Variants in CCDC171 observed in about 807,000 individuals in gnomAD.
CCDC171 encodes coiled-coil domain-containing protein 171.
Under a neutral mutation model 168.2 loss-of-function variants are expected in CCDC171, and 177 were observed. The ratio of observed to expected loss-of-function variants is 1.05; its 90% CI spans 0.93 to 1.19. CCDC171 has a LOEUF of 1.19. Among genes scored for constraint, CCDC171 ranks in the 50% most tolerant of loss-of-function variants. CCDC171 has a pLI of 0.00. For missense variants in CCDC171, 1,991 were observed against 1,539.0 expected (o/e 1.29, Z -4.91); for synonymous variants, 687 against 540.8 (o/e 1.27, Z -3.75).
At chr9:16,035,234 A>G (rs192944235) in intron 6 of CCDC171, among the ~76,000 whole-genome samples, 3 of 152,344 alleles carry the variant, frequency 2.0e-5, no homozygotes, top group Admixed American at 6.5e-5. Context: ...ACATACTAAG[A>G]AAGAATCCAC....
intron 6 of CCDC171, among the ~76,000 whole-genome samples, chr9:15,619,364 C>G (rs567079794): frequency 6.2e-4 from 95 of 152,278 alleles, no homozygotes; most frequent in African/African-American, 2.2e-3. Context: ...ATTAAAAGTG[C>G]TACTTTAGTG....
intron 21 of CCDC171, among the ~76,000 whole-genome samples, chr9:15,792,773 T>C (rs2058334170): frequency 6.6e-6 from 1 of 152,106 alleles, no homozygotes; most frequent in South Asian, 2.1e-4. Context: ...AAGCAAATGC[T>C]GACAGATTTT....
At position 15,856,545 on chromosome 9, in the gene CCDC171, T is replaced by A. The variant is rs186113898; in HGVS notation, c.3468+7598T>A. 2.7e-3 allele frequency among the ~76,000 whole-genome samples: 404 copies of A among 152,160 alleles called. 5 individuals carry two copies. The highest frequency in any genetic ancestry group is 9.1e-3 in the African/African-American group (377 of 41,526). On this transcript the variant is annotated intron_variant, in intron 23 of 25. Coordinates refer to ENST00000380701, the MANE Select transcript of CCDC171 (RefSeq NM_173550.4). ...TAAAAGGCTGATTATTTCCTTCCTT[T>A]GAAAACCTGAGTAATATTTTATTGT...
At chr9:15,688,507 A>G (rs758824911) in intron 10 of CCDC171, among the ~76,000 whole-genome samples, 1 of 152,206 alleles carries the variant, frequency 6.6e-6, no homozygotes, top group Non-Finnish European at 1.5e-5. Context: ...AAGATATAAA[A>G]AAGATATTAC....
the CCDC171 span, among the ~76,000 whole-genome samples, chr9:16,087,109 T>TTCC: frequency 1.3e-5 from 2 of 152,230 alleles, no homozygotes; most frequent in Non-Finnish European, 2.9e-5. Context: ...TTGTTACAAT[T>TTCC]TCCATTCTTT....
chr9:15,881,587 A>G (rs956559533), intron 24 of CCDC171, among the ~76,000 whole-genome samples: 1 of 152,138 alleles, frequency 6.6e-6, no homozygotes, highest in Admixed American at 6.5e-5. Flanking sequence ...ATCACACCAT[A>G]TATTTGTACC....
rs1021711272 is a variant in CCDC171, at chr9:15,867,939, T to C, written c.3469-6593T>C. Among the ~76,000 whole-genome samples, 9 of 152,070 alleles carry C rather than the reference T, an allele frequency of 5.9e-5. No homozygotes were observed. In the East Asian group the frequency reaches 1.4e-3, roughly 23 times the overall value. ...AGCCTATGCTACAGATTTATCATGT[T>C]ATATAGTGACTTTATAAGATGTCCA... On this transcript the variant is annotated intron_variant, in intron 23 of 25. Coordinates refer to ENST00000380701, the MANE Select transcript of CCDC171 (RefSeq NM_173550.4).
At chr9:15,764,857 A>G (rs541644461) in intron 18 of CCDC171, among the ~76,000 whole-genome samples, 52 of 152,298 alleles carry the variant, frequency 3.4e-4, no homozygotes, top group African/African-American at 1.2e-3. Flanking sequence ...TTCCACCCAG[A>G]TTTTGGCTGG....
chr9:15,695,149 T>A, intron 10 of CCDC171, 86 bp from the exon 11 acceptor site: 1 of 797,928 alleles, frequency 1.3e-6, no homozygotes, highest in African/African-American at 1.7e-5. Context: ...TTATCTTGTT[T>A]ATACTTGTGT....
At chr9:16,015,745 A>C (rs181619995) in intron 3 of CCDC171, among the ~76,000 whole-genome samples, 217 of 152,264 alleles carry the variant, frequency 1.4e-3, no homozygotes, top group African/African-American at 5.1e-3. Context: ...CATCTTCCCA[A>C]CTGAAACTCT....
At chr9:15,712,163 G>T (rs546397812) in intron 11 of CCDC171, among the ~76,000 whole-genome samples, 7 of 152,346 alleles carry the variant, frequency 4.6e-5, no homozygotes, top group African/African-American at 1.7e-4. Flanking sequence ...ACCTTCAACA[G>T]ATTGGATGAA....
chr9:15,981,687 G>T (rs1831801852), intron 3 of CCDC171, among the ~76,000 whole-genome samples: 1 of 152,064 alleles, frequency 6.6e-6, no homozygotes, highest in African/African-American at 2.4e-5. Context: ...AGAAAAACTG[G>T]GAGATTCTTA....
chr9:15,918,125 C>G (rs907421129), intron 24 of CCDC171, among the ~76,000 whole-genome samples: 1 of 151,454 alleles, frequency 6.6e-6, no homozygotes, highest in East Asian at 1.9e-4. Flanking sequence ...TAAACTTGGA[C>G]TAGTTATTTA....
intron 24 of CCDC171, among the ~76,000 whole-genome samples, chr9:15,895,498 A>G (rs1589031520): frequency 6.6e-6 from 1 of 152,064 alleles, no homozygotes; most frequent in East Asian, 1.9e-4. Context: ...ATTGCAATAG[A>G]ATCCAAATAT....
chr9:15,870,102 C>A (rs560597677), intron 23 of CCDC171, among the ~76,000 whole-genome samples: 2 of 138,026 alleles, frequency 1.4e-5, no homozygotes, highest in East Asian at 4.5e-4. Context: ...ATGGGTATAA[C>A]TCTAATAAAA....
At chr9:15,713,549 G>T (rs1031116484) in intron 11 of CCDC171, among the ~76,000 whole-genome samples, 1 of 152,104 alleles carries the variant, frequency 6.6e-6, no homozygotes, top group African/African-American at 2.4e-5. Context: ...ACCGTTTCAT[G>T]ATGGGCACCC....
chr9:15,787,088 G>A (rs1022446033), intron 21 of CCDC171, among the ~76,000 whole-genome samples: 14 of 152,118 alleles, frequency 9.2e-5, no homozygotes, highest in African/African-American at 3.4e-4. Context: ...GAATTCTTTT[G>A]GATGTATATT....
At chr9:15,933,306 G>A (rs902359059) in intron 25 of CCDC171, among the ~76,000 whole-genome samples, 19 of 151,554 alleles carry the variant, frequency 1.3e-4, no homozygotes, top group East Asian at 1.9e-4. Context: ...CTATTTCTTC[G>A]TAATTTAATC....
At chr9:15,982,099 C>T (rs984378781) in intron 3 of CCDC171, among the ~76,000 whole-genome samples, 11 of 152,164 alleles carry the variant, frequency 7.2e-5, no homozygotes, top group African/African-American at 2.4e-4. Flanking sequence ...TTCTGACATA[C>T]TTCCTCTGTA....
Sources: gnomAD v4.1 joint callset for allele counts (sites outside exome capture counted in the v4.1 genomes callset) on GRCh38, gnomAD v4.1.1 for gene constraint, MANE v1.5 for transcripts, NCBI Gene and HGNC (gene_info 2026-07-23, HGNC 2026-07-21) for gene names.